The following YAF2 variants were observed in gnomAD, a reference collection of about 807,000 sequenced individuals.
The protein encoded by YAF2 is YY1 associated factor 2.
A neutral mutation model predicts 20.1 loss-of-function variants in YAF2; 7 were observed. The observed-to-expected ratio is 0.35, with a 90% CI of 0.20 to 0.65. The LOEUF is 0.65. YAF2 is among the 30% of genes least tolerant of loss of function. The probability of loss-of-function intolerance (pLI) is 0.69; values close to 1 mark genes in which losing one functional copy is unlikely to be tolerated. For synonymous variants in YAF2, 74 were observed against 76.0 expected, an observed-to-expected ratio of 0.97 and a Z score of 0.14; for missense variants, 151 against 219.2, an observed-to-expected ratio of 0.69 and a Z score of 1.96.
At chr12:42,189,742 T>C (rs976686452) in intron 2 of YAF2, among the ~76,000 whole-genome samples, 1 of 152,180 alleles carries the variant, frequency 6.6e-6, no homozygotes, top group African/African-American at 2.4e-5. Context: ...TTAATTAGTA[T>C]TAATTAAATT....
At chr12:42,171,930 C>T (rs986909315) in intron 2 of YAF2, among the ~76,000 whole-genome samples, 2 of 152,170 alleles carry the variant, frequency 1.3e-5, no homozygotes, top group African/African-American at 4.8e-5. Flanking sequence ...TTCCACTGCA[C>T]TCCAGAATGG....
intron 2 of YAF2, among the ~76,000 whole-genome samples, chr12:42,184,752 C>G (rs1284843239): frequency 6.6e-6 from 1 of 152,138 alleles, no homozygotes; most frequent in Non-Finnish European, 1.5e-5. Flanking sequence ...ACATTTGTGA[C>G]TCAGGGAAGG....
intron 2 of YAF2, among the ~76,000 whole-genome samples, chr12:42,228,185 C>T (rs376189144): frequency 2.9e-4 from 25 of 86,040 alleles, no homozygotes; most frequent in South Asian, 5.1e-4. Context: ...CCGCCCCGTC[C>T]GGGAGGGAGG....
At chr12:42,180,133 T>C (rs1188986883) in intron 2 of YAF2, among the ~76,000 whole-genome samples, 1 of 152,200 alleles carries the variant, frequency 6.6e-6, no homozygotes, top group Admixed American at 6.5e-5. Flanking sequence ...CCCTGCCTCC[T>C]GGTATTCATG....
intron 2 of YAF2, among the ~76,000 whole-genome samples, chr12:42,218,227 C>CACACAG (rs1470908981): frequency 2.1e-5 from 3 of 145,418 alleles, no homozygotes; most frequent in African/African-American, 7.9e-5. Context: ...CACACACACA[C>CACACAG]AGATGATTAT....
chr12:42,165,348 C>T (rs1410744945), intron 2 of YAF2, among the ~76,000 whole-genome samples: 3 of 152,096 alleles, frequency 2.0e-5, no homozygotes, highest in Non-Finnish European at 2.9e-5. Context: ...AACAATGAAA[C>T]GACTTCATTA....
At position 42,234,088 on chromosome 12, in the gene YAF2, T is replaced by C. The variant is rs914404581; in HGVS notation, c.152+3511A>G. 28 of 686,908 alleles carry C rather than the reference T, an allele frequency of 4.1e-5. 1 individual carries two copies. In the African/African-American group the frequency reaches 5.3e-4, roughly 13 times the overall value. 42.6% of individuals were successfully genotyped at this position (686,908 alleles called of 1,614,324 possible). ...ACAGAGGCTGAGGCATGAGAATTGCTTGAACCTGGGAGGTGGAGGTTGCAG... is the reference window on the plus strand; with the variant it reads ...ACAGAGGCTGAGGCATGAGAATTGCCTGAACCTGGGAGGTGGAGGTTGCAG... On this transcript the variant is annotated intron_variant, in intron 2 of 3. Coordinates refer to ENST00000534854, the MANE Select transcript of YAF2 (RefSeq NM_005748.6).
chr12:42,230,179 T>C (rs1424006442), intron 2 of YAF2, among the ~76,000 whole-genome samples: 1 of 151,872 alleles, frequency 6.6e-6, no homozygotes, highest in Non-Finnish European at 1.5e-5. Flanking sequence ...ATCGCTCAAA[T>C]CTGGGAGGCG....
At chr12:42,181,904 C>T (rs944864411) in intron 2 of YAF2, among the ~76,000 whole-genome samples, 2 of 152,098 alleles carry the variant, frequency 1.3e-5, no homozygotes, top group African/African-American at 4.8e-5. Context: ...TTACATTTTA[C>T]ATTTTGCTTG....
chr12:42,170,860 T>A (rs893615516), intron 2 of YAF2, among the ~76,000 whole-genome samples: 2 of 152,182 alleles, frequency 1.3e-5, no homozygotes, highest in Non-Finnish European at 2.9e-5. Context: ...TTACCCATAT[T>A]CTTCAAGAAT....
intron 2 of YAF2, among the ~76,000 whole-genome samples, chr12:42,171,755 A>C (rs2066055103): frequency 1.3e-5 from 2 of 151,272 alleles, no homozygotes; most frequent in Admixed American, 1.3e-4. Flanking sequence ...GGAGTTCAAG[A>C]CCAGGCTGGG....
intron 2 of YAF2, among the ~76,000 whole-genome samples, chr12:42,181,079 T>C (rs1394016777): frequency 2.0e-5 from 3 of 152,250 alleles, no homozygotes; most frequent in African/African-American, 7.2e-5. Context: ...ATAGAAGTTA[T>C]GGCACTCAGT....
At chr12:42,197,875 A>G (rs2066795175) in intron 2 of YAF2, among the ~76,000 whole-genome samples, 1 of 152,236 alleles carries the variant, frequency 6.6e-6, no homozygotes, top group Admixed American at 6.5e-5. Flanking sequence ...ATAATCTTCT[A>G]AACTGTCCCT....
intron 2 of YAF2, among the ~76,000 whole-genome samples, chr12:42,229,360 A>G (rs2067903744): frequency 7.1e-6 from 1 of 140,522 alleles, no homozygotes; most frequent in Non-Finnish European, 1.5e-5. Flanking sequence ...CTATTGTCCC[A>G]TGACCCTGCC....
At chr12:42,203,608 G>A (rs1262720688) in intron 2 of YAF2, among the ~76,000 whole-genome samples, 1 of 151,944 alleles carries the variant, frequency 6.6e-6, no homozygotes, top group African/African-American at 2.4e-5. Flanking sequence ...AATGGGTATT[G>A]AGTTTTAACA....
At chr12:42,233,477 T>C (rs1439372060) in intron 2 of YAF2, 4 of 983,298 alleles carry the variant, frequency 4.1e-6, no homozygotes, top group Non-Finnish European at 4.8e-6. Context: ...ATACAGACTA[T>C]CCTTAATATT....
chr12:42,218,656 G>T (rs1027902594), intron 2 of YAF2, among the ~76,000 whole-genome samples: 5 of 151,904 alleles, frequency 3.3e-5, no homozygotes. Flanking sequence ...TATGGCATTC[G>T]GGAACCTATC....
intron 2 of YAF2, among the ~76,000 whole-genome samples, chr12:42,212,691 T>G (rs146064846): frequency 1.3e-5 from 2 of 152,344 alleles, no homozygotes; most frequent in East Asian, 3.9e-4. Flanking sequence ...TTTGTATTTG[T>G]TAGGTTGACA....
intron 2 of YAF2, among the ~76,000 whole-genome samples, chr12:42,167,842 TAA>T (rs1377218013): frequency 2.6e-5 from 4 of 152,076 alleles, no homozygotes; most frequent in Non-Finnish European, 1.5e-5. Flanking sequence ...CCTGTCTCTA[TAA>T]AGTTACTCAG....
Sources: gnomAD v4.1 joint callset for allele counts (sites outside exome capture counted in the v4.1 genomes callset) on GRCh38, gnomAD v4.1.1 for gene constraint, MANE v1.5 for transcripts, NCBI Gene and HGNC (gene_info 2026-07-23, HGNC 2026-07-21) for gene names.